Variants in MAP4K1 observed in about 807,000 individuals in gnomAD.
MAP4K1 encodes the protein mitogen-activated protein kinase kinase kinase kinase 1, also known as MAPK/ERK kinase kinase kinase 1.
In MAP4K1, 35 loss-of-function variants were observed where a neutral mutation model predicts 122.8. The ratio of observed to expected loss-of-function variants is 0.29; its 90% CI spans 0.22 to 0.38. The LOEUF is 0.38. Among genes scored for constraint, MAP4K1 ranks in the 10% least tolerant of loss-of-function variants. MAP4K1 has a pLI of 1.00. For synonymous variants in MAP4K1, 412 were observed against 421.3 expected (o/e 0.98, Z 0.27); for missense variants, 791 against 1,072.6 (o/e 0.74, Z 3.67).
intron 19 of MAP4K1, among the ~76,000 whole-genome samples, chr19:38,604,687 G>C (rs1298513258): frequency 6.6e-6 from 1 of 151,846 alleles, no homozygotes; most frequent in Non-Finnish European, 1.5e-5. Context: ...CTACTCGGGA[G>C]GCTGAGGCAG....
At chr19:38,602,679 C>CATATACAT (rs1339050141) in intron 19 of MAP4K1, among the ~76,000 whole-genome samples, 6 of 147,278 alleles carry the variant, frequency 4.1e-5, no homozygotes, top group African/African-American at 1.5e-4. Flanking sequence ...CATATATACG[C>CATATACAT]ATATACATAT....
chr19:38,596,163 C>T (rs574796462), intron 26 of MAP4K1, 149 bp downstream of exon 26: 4 of 1,287,012 alleles, frequency 3.1e-6, no homozygotes, highest in African/African-American at 1.5e-5. Context: ...TCAATCTCCC[C>T]AGTTAACTAA....
intron 19 of MAP4K1, among the ~76,000 whole-genome samples, chr19:38,604,815 G>A (rs1599708988): frequency 6.7e-6 from 1 of 149,676 alleles, no homozygotes; most frequent in South Asian, 2.1e-4. Flanking sequence ...TGCCAGACGC[G>A]GTGGCTCATG....
In MAP4K1 at chr19:38,613,866, TG is replaced by T; in HGVS notation, c.533+13del. The T allele has an allele frequency of 6.3e-7, 1 of 1,594,800 alleles. No individual in the cohort carries two copies. The highest frequency in any genetic ancestry group is 8.5e-7 in the Non-Finnish European group (1 of 1,171,348). On this transcript the variant is annotated intron_variant, in intron 8 of 30. Transcript: ENST00000396857. ...CCCCACTCCACCCCTAGCTGCCCGCTGGGCGCCACTCACCAGTAGGGTGTCC... is the reference window on the plus strand; with the variant it reads ...CCCCACTCCACCCCTAGCTGCCCGCTGGCGCCACTCACCAGTAGGGTGTCC...
intron 13 of MAP4K1, among the ~76,000 whole-genome samples, chr19:38,608,828 A>AAAAAAAAC (rs1555811720): frequency 1.2e-4 from 16 of 137,246 alleles, no homozygotes; most frequent in East Asian, 2.3e-4. Context: ...AAAAAAAAAA[A>AAAAAAAAC]ACATTAGCCA....
At chr19:38,605,368 C>A (rs939910619) in intron 19 of MAP4K1, 41 bp downstream of exon 19, 1 of 1,505,560 alleles carries the variant, frequency 6.6e-7, no homozygotes, top group South Asian at 1.2e-5. Flanking sequence ...CATCCCCAGC[C>A]CCGTCCAGAG....
Position 38,609,926 on chromosome 19 carries a change from C to G in MAP4K1, c.910G>C (p.Glu304Gln). The G allele has an allele frequency of 1.2e-6, 2 of 1,614,136 alleles. No individual in the cohort carries two copies. Among genetic ancestry groups the G allele is most frequent in the Non-Finnish European group, 8.5e-7 (1 of 1,179,966 alleles). The change falls in exon 12 of 31, where the codon GAG (glutamate) becomes CAG (glutamine). Residue 304 changes from glutamate to glutamine, a missense_variant. Physicochemically the swap from Glu to Gln is conservative, Grantham distance 29. Coordinates refer to ENST00000396857, the MANE Select transcript of MAP4K1 (RefSeq NM_001042600.3). Reference sequence around the variant, plus strand: ...GCTCTCACCTCGGGCTCCTCATCCTCAATGTCCCCAATGGAGGGTCCTTTC... The same window carrying G: ...GCTCTCACCTCGGGCTCCTCATCCTGAATGTCCCCAATGGAGGGTCCTTTC... ...PGKGPSIGDI[E>Q]DEEPELPPAI...
At chr19:38,612,259 A>C (rs1269372092) in intron 9 of MAP4K1, among the ~76,000 whole-genome samples, 1 of 151,216 alleles carries the variant, frequency 6.6e-6, no homozygotes, top group Admixed American at 6.6e-5. Flanking sequence ...GTCTCTACTA[A>C]AAATACAAAA....
At chr19:38,601,927 G>A (rs1042218805) in intron 19 of MAP4K1, among the ~76,000 whole-genome samples, 1 of 151,908 alleles carries the variant, frequency 6.6e-6, no homozygotes, top group South Asian at 2.1e-4. Context: ...AAAGGCGTGT[G>A]CCACCACACC....
intron 9 of MAP4K1, 116 bp downstream of exon 9, chr19:38,612,495 G>C: frequency 1.2e-6 from 1 of 803,624 alleles, no homozygotes; most frequent in Non-Finnish European, 1.8e-6. Context: ...GCAAAGGTAG[G>C]CTCAAGTGGT....
chr19:38,610,301 G>T (rs545414744), intron 11 of MAP4K1, among the ~76,000 whole-genome samples: 1 of 151,802 alleles, frequency 6.6e-6, no homozygotes, highest in Non-Finnish European at 1.5e-5. Flanking sequence ...CACCTCCTGG[G>T]CTTAATTGAT....
Position 38,593,316 on chromosome 19 carries a change from G to T in MAP4K1, c.2362C>A (p.Pro788Thr), listed in dbSNP as rs1974781951. ...SDQLLQELRD[P>T]TLTFRLLGSP... The stretch of plus-strand genomic sequence containing the variant: ...CCAAGCAGACGGAAAGTGAGGGTAG[G>T]GTCTCTCAGCTCCTGTAGCAGCTAG... The change falls in exon 30 of 31, where the codon CCT becomes ACT. Residue 788 changes from proline (P) to threonine (T), a missense_variant. Pro to Thr is a conservative substitution (Grantham distance 38, BLOSUM62 -1). Around this residue, in one of 4 missense-constraint regions of MAP4K1, gnomAD observed 267 missense variants for 323.0 expected, o/e 0.83. Coordinates refer to ENST00000396857, the MANE Select transcript of MAP4K1 (RefSeq NM_001042600.3). 6 of 1,612,006 alleles carry T rather than the reference G, an allele frequency of 3.7e-6. No individual in the cohort carries two copies. The East Asian group carries it at 1.3e-4, about 36-fold the overall frequency.
At chr19:38,604,682 C>T (rs1318357606) in intron 19 of MAP4K1, among the ~76,000 whole-genome samples, 3 of 151,258 alleles carry the variant, frequency 2.0e-5, no homozygotes, top group African/African-American at 4.9e-5. Flanking sequence ...CCCAGCTACT[C>T]GGGAGGCTGA....
chr19:38,605,372 T>C, intron 19 of MAP4K1, 37 bp downstream of exon 19: 1 of 1,274,030 alleles, frequency 7.8e-7, no homozygotes, highest in Non-Finnish European at 1.1e-6. Flanking sequence ...CCCAGCCCCG[T>C]CCAGAGGTGT....
chr19:38,603,405 CATAT>C (rs750948286), intron 19 of MAP4K1, among the ~76,000 whole-genome samples: 1 of 148,618 alleles, frequency 6.7e-6, no homozygotes, highest in Non-Finnish European at 1.5e-5. Flanking sequence ...TATGCATATA[CATAT>C]ATATACACGT....
intron 29 of MAP4K1, among the ~76,000 whole-genome samples, chr19:38,594,846 C>T (rs1425556085): frequency 2.0e-5 from 3 of 152,042 alleles, no homozygotes; most frequent in Non-Finnish European, 4.4e-5. Context: ...GAGGCTGAGG[C>T]AGGAGAATTC....
chr19:38,590,046 G>A (rs1974657820), intron 30 of MAP4K1, among the ~76,000 whole-genome samples: 1 of 151,504 alleles, frequency 6.6e-6, no homozygotes, highest in South Asian at 2.1e-4. Flanking sequence ...AAAAGAAAAA[G>A]GGAGAAAAAA....
intron 5 of MAP4K1, 44 bp downstream of exon 5, chr19:38,614,346 C>T: frequency 6.2e-7 from 1 of 1,613,660 alleles, no homozygotes; most frequent in African/African-American, 1.3e-5. Context: ...TGGAGTGGGG[C>T]CACCCTCCCC....
At chr19:38,591,354 G>T (rs1362206057) in intron 30 of MAP4K1, among the ~76,000 whole-genome samples, 1 of 151,396 alleles carries the variant, frequency 6.6e-6, no homozygotes, top group Non-Finnish European at 1.5e-5. Context: ...CATGATGAAA[G>T]CCCACATCTA....
Sources: allele counts gnomAD v4.1 joint callset (sites outside exome capture counted in the v4.1 genomes callset), GRCh38; gene constraint gnomAD v4.1.1; regional missense constraint gnomAD v4.1.1; transcripts MANE v1.5; gene names NCBI Gene and HGNC (gene_info 2026-07-23, HGNC 2026-07-21).